The following R3HDM2 variants were observed in gnomAD, a reference collection of about 807,000 sequenced individuals.
The protein encoded by R3HDM2 is R3H domain-containing protein 2.
Under a neutral mutation model 124.5 loss-of-function variants are expected in R3HDM2, and 38 were observed. The observed-to-expected ratio is 0.31, with a 90% confidence interval of 0.24 to 0.40. The LOEUF is 0.40. Ranked by LOEUF, R3HDM2 falls within the 10% of genes least tolerant of loss-of-function variation. R3HDM2 has a pLI of 1.00. For synonymous variants in R3HDM2, 391 were observed against 448.0 expected (o/e 0.87, Z 1.61); for missense variants, 869 against 1,236.9 (o/e 0.70, Z 4.46).
chr12:57,276,855 C>T (rs968776331), intron 14 of R3HDM2, among the ~76,000 whole-genome samples: 2 of 151,664 alleles, frequency 1.3e-5, no homozygotes, highest in African/African-American at 4.9e-5. Flanking sequence ...TCACTGCACT[C>T]CAACCTGGGT....
intron 1 of R3HDM2, among the ~76,000 whole-genome samples, chr12:57,425,914 T>C (rs2070698094): frequency 2.6e-5 from 4 of 151,718 alleles, no homozygotes; most frequent in African/African-American, 7.3e-5. Context: ...TGGAGGTAAC[T>C]AATGTACCAA....
chr12:57,289,152 C>T lies in R3HDM2; in HGVS notation c.907-112G>A. 12 of 1,041,208 alleles carry T rather than the reference C, an allele frequency of 1.2e-5. No homozygotes were observed. In the South Asian group the frequency reaches 1.7e-4, roughly 14 times the overall value. 64.5% of individuals were successfully genotyped at this position (1,041,208 alleles called of 1,614,324 possible). A position where few individuals can be genotyped will look rare whatever the true frequency, so the allele number is the denominator to read the frequency against. On this transcript the variant is annotated intron_variant, in intron 11 of 23. Transcript: ENST00000402412. The stretch of plus-strand genomic sequence containing the variant: ...CAAGGTCCTCAAACCAAAGCTCACC[C>T]CACCAACAGGGAGAGAGGGGCCAGG...
chr12:57,337,024 C>T (rs766562776), intron 2 of R3HDM2, among the ~76,000 whole-genome samples: 3 of 152,102 alleles, frequency 2.0e-5, no homozygotes, highest in East Asian at 1.9e-4. Flanking sequence ...TTCCAAGGGA[C>T]CCACACAGCA....
intron 12 of R3HDM2, chr12:57,288,768 A>G: frequency 3.5e-6 from 4 of 1,134,100 alleles, no homozygotes; most frequent in Non-Finnish European, 5.0e-6. Flanking sequence ...GCAGCCATGC[A>G]TGGAGCAAAC....
At chr12:57,298,008 A>G in intron 7 of R3HDM2, 82 bp downstream of exon 7, 1 of 977,498 alleles carries the variant, frequency 1.0e-6, no homozygotes. Flanking sequence ...CTAAGAATGG[A>G]AAAATTCTGG....
At chr12:57,314,317 T>C (rs1450604133) in intron 2 of R3HDM2, among the ~76,000 whole-genome samples, 1 of 151,778 alleles carries the variant, frequency 6.6e-6, no homozygotes, top group Non-Finnish European at 1.5e-5. Context: ...CCATCTCTAC[T>C]AAAAATACAA....
intron 14 of R3HDM2, 70 bp downstream of exon 14, chr12:57,280,288 G>C: frequency 6.7e-7 from 1 of 1,488,448 alleles, no homozygotes; most frequent in Admixed American, 1.9e-5. Context: ...CAGCACAAGA[G>C]ACATGACGGT....
chr12:57,257,982 C>T lies in R3HDM2; in HGVS notation c.2449+8G>A. 6.6e-7 allele frequency: 1 copy of T among 1,511,654 alleles called. No homozygotes were observed. Among genetic ancestry groups the T allele is most frequent in the Non-Finnish European group, 8.9e-7 (1 of 1,119,568 alleles). The allele number at this position is 1,511,654 out of a possible 1,614,324, so 93.6% of individuals were successfully genotyped here. A position where few individuals can be genotyped will look rare whatever the true frequency, so the allele number is the denominator to read the frequency against. On this transcript the variant is annotated splice_region_variant and intron_variant, in intron 21 of 23. Transcript: ENST00000402412. ...TCCATAGCAGCCAGCACTAATCTAA[C>T]CCCCTACCCTGTGCTGGACCCCCAG...
At chr12:57,357,758 A>G (rs955435695) in intron 2 of R3HDM2, among the ~76,000 whole-genome samples, 3 of 151,070 alleles carry the variant, frequency 2.0e-5, no homozygotes, top group Non-Finnish European at 2.9e-5. Flanking sequence ...CTTAAGGTCA[A>G]TGATTTTAGA....
At chr12:57,328,775 A>G (rs981509378) in intron 2 of R3HDM2, among the ~76,000 whole-genome samples, 27 of 152,244 alleles carry the variant, frequency 1.8e-4, no homozygotes, top group African/African-American at 5.8e-4. Flanking sequence ...TCAGCTTCCC[A>G]AAGTGCTGGG....
intron 2 of R3HDM2, among the ~76,000 whole-genome samples, chr12:57,360,048 T>TATATA (rs58471413): frequency 1.4e-3 from 80 of 59,230 alleles, no homozygotes; most frequent in East Asian, 4.1e-3. Context: ...TATATATATA[T>TATATA]TTTTTTTTTT....
chr12:57,335,665 C>CT (rs1213483574), intron 2 of R3HDM2, among the ~76,000 whole-genome samples: 3,751 of 133,368 alleles, frequency 0.028, 153 homozygotes, highest in African/African-American at 0.089. Flanking sequence ...ACCCAGCTAA[C>CT]TTTTTTTTTT....
At position 57,425,882 on chromosome 12, in the gene R3HDM2, G is replaced by T. The variant is rs192883632; in HGVS notation, c.-106+4838C>A. On this transcript the variant is annotated intron_variant, in intron 1 of 23. Coordinates refer to ENST00000402412, the MANE Select transcript of R3HDM2 (RefSeq NM_001394031.1). ...CGCCCCAAAGAGAAATCTCATCCAG[G>T]TTACTCTAGCCGGAAGATCAATGGA... 1.4e-4 allele frequency among the ~76,000 whole-genome samples: 22 copies of T among 152,176 alleles called. No homozygotes were observed. The East Asian group carries it at 4.3e-3, about 29-fold the overall frequency.
At chr12:57,316,058 C>G (rs1197456599) in intron 2 of R3HDM2, among the ~76,000 whole-genome samples, 1 of 152,228 alleles carries the variant, frequency 6.6e-6, no homozygotes, top group African/African-American at 2.4e-5. Context: ...GATCACTCCA[C>G]TGTACTCCAG....
At chr12:57,412,194 C>A (rs1338824089) in intron 1 of R3HDM2, among the ~76,000 whole-genome samples, 1 of 152,134 alleles carries the variant, frequency 6.6e-6, no homozygotes, top group African/African-American at 2.4e-5. Flanking sequence ...AGATTGTATT[C>A]ACAGATCAAT....
intron 5 of R3HDM2, among the ~76,000 whole-genome samples, 165 bp from the exon 6 acceptor site, chr12:57,299,643 G>A (rs1225235759): frequency 1.3e-5 from 2 of 152,158 alleles, no homozygotes; most frequent in Non-Finnish European, 2.9e-5. Context: ...AGAGGGTAGA[G>A]GCACAGCTTT....
intron 1 of R3HDM2, among the ~76,000 whole-genome samples, chr12:57,416,913 C>G (rs998777612): frequency 6.6e-6 from 1 of 151,642 alleles, no homozygotes; most frequent in Non-Finnish European, 1.5e-5. Flanking sequence ...AGATCAAGAC[C>G]AGCCTGGCCA....
At chr12:57,307,483 G>A (rs192397972) in intron 3 of R3HDM2, among the ~76,000 whole-genome samples, 1 of 151,730 alleles carries the variant, frequency 6.6e-6, no homozygotes, top group South Asian at 2.1e-4. Flanking sequence ...ACCAGGCCCA[G>A]CTAATTTTTG....
intron 2 of R3HDM2, among the ~76,000 whole-genome samples, chr12:57,311,241 T>C (rs1265001426): frequency 2.6e-5 from 4 of 151,376 alleles, no homozygotes; most frequent in Non-Finnish European, 5.9e-5. Flanking sequence ...ATATATATAT[T>C]TTGAGATGGA....
Sources: allele counts gnomAD v4.1 joint callset (sites outside exome capture counted in the v4.1 genomes callset), GRCh38; gene constraint gnomAD v4.1.1; transcripts MANE v1.5; gene names NCBI Gene and HGNC (gene_info 2026-07-23, HGNC 2026-07-21).